NCAM1: variants seen among roughly 807,000 people sequenced by gnomAD.
The protein encoded by NCAM1 is antigen recognized by monoclonal antibody 5.1H11.
NCAM1 carries 14 observed loss-of-function variants against 109.8 expected under a neutral mutation model. The observed-to-expected ratio is 0.13, with a 90% CI of 0.08 to 0.20. The LOEUF (loss-of-function observed/expected upper bound fraction) is 0.20. NCAM1 is among the 10% of genes least tolerant of loss of function. The pLI is 1.00. For synonymous variants in NCAM1, 418 were observed against 442.9 expected, an observed-to-expected ratio of 0.94 and a Z score of 0.70; for missense variants, 774 against 1,109.9, an observed-to-expected ratio of 0.70 and a Z score of 4.30.
chr11:113,004,737 T>C (rs1281534071), intron 1 of NCAM1, among the ~76,000 whole-genome samples: 1 of 152,086 alleles, frequency 6.6e-6, no homozygotes, highest in Non-Finnish European at 1.5e-5. Context: ...CTCTTTGCCT[T>C]TATTTTGTTA....
At chr11:113,055,311 G>T (rs1485903348) in intron 1 of NCAM1, among the ~76,000 whole-genome samples, 2 of 152,170 alleles carry the variant, frequency 1.3e-5, no homozygotes, top group Admixed American at 1.3e-4. Context: ...AATGATTTAA[G>T]AAGATTCTAG....
intron 1 of NCAM1, among the ~76,000 whole-genome samples, chr11:113,102,684 A>T (rs75092027): frequency 0.011 from 1,651 of 152,318 alleles, 24 homozygotes; most frequent in Non-Finnish European, 0.016. Context: ...TTAAAAAGGA[A>T]CTGAAGAGTT....
chr11:113,069,246 C>G (rs1555084800), intron 1 of NCAM1, among the ~76,000 whole-genome samples: 1 of 152,148 alleles, frequency 6.6e-6, no homozygotes, highest in African/African-American at 2.4e-5. Flanking sequence ...AGAAAAGTCT[C>G]CAAGGTAGAG....
chr11:113,213,263 C>A (rs45439094), intron 7 of NCAM1, among the ~76,000 whole-genome samples: 1 of 152,146 alleles, frequency 6.6e-6, no homozygotes, highest in Non-Finnish European at 1.5e-5. Flanking sequence ...CCTAGCCTGA[C>A]CTTTTCCTAT....
intron 7 of NCAM1, among the ~76,000 whole-genome samples, chr11:113,208,819 G>T (rs1429432656): frequency 6.6e-6 from 1 of 152,138 alleles, no homozygotes. Context: ...TGTCATACAC[G>T]GCGTTATCCC....
At chr11:113,119,940 T>C (rs1307045932) in intron 1 of NCAM1, among the ~76,000 whole-genome samples, 1 of 152,228 alleles carries the variant, frequency 6.6e-6, no homozygotes, top group Non-Finnish European at 1.5e-5. Flanking sequence ...AAAATACTTA[T>C]TTGGAACACA....
intron 1 of NCAM1, among the ~76,000 whole-genome samples, chr11:113,163,509 G>A (rs1351394126): frequency 1.3e-5 from 2 of 152,124 alleles, no homozygotes; most frequent in Non-Finnish European, 2.9e-5. Context: ...TCTTCTCCTG[G>A]GAATTGTCAA....
intron 16 of NCAM1, among the ~76,000 whole-genome samples, chr11:113,258,200 C>T (rs1326837145): frequency 6.6e-6 from 1 of 152,226 alleles, no homozygotes; most frequent in East Asian, 1.9e-4. Flanking sequence ...TCCCAGGGCA[C>T]CTGCCTTGTG....
At chr11:113,053,140 G>A (rs1206941867) in intron 1 of NCAM1, among the ~76,000 whole-genome samples, 1 of 152,162 alleles carries the variant, frequency 6.6e-6, no homozygotes. Context: ...TCTCACTTAT[G>A]AGTGAGAACA....
chr11:113,271,884 G>A lies in NCAM1; in HGVS notation c.2456+8G>A. ...GCCACTGACGGAGCCCGAGTACGTG[G>A]GCTGGGAGGGGCTGGCACCTGCTCC... On this transcript the variant is annotated splice_region_variant and intron_variant, in intron 19 of 19. Transcript: ENST00000316851. The A allele has an allele frequency of 1.3e-6, 2 of 1,549,816 alleles. No homozygotes were observed. The highest frequency in any genetic ancestry group is 1.7e-6 in the Non-Finnish European group (2 of 1,146,074).
At chr11:113,040,133 T>C (rs1010775920) in intron 1 of NCAM1, among the ~76,000 whole-genome samples, 7 of 151,484 alleles carry the variant, frequency 4.6e-5, no homozygotes, top group Non-Finnish European at 7.4e-5. Context: ...CAGGTGAGAC[T>C]CCATCTCTAA....
At chr11:113,249,360 A>T (rs1194539853) in intron 15 of NCAM1, among the ~76,000 whole-genome samples, 1 of 152,112 alleles carries the variant, frequency 6.6e-6, no homozygotes, top group African/African-American at 2.4e-5. Context: ...GGAGGTTCCT[A>T]GGGTAGAGAG....
At chr11:113,160,061 G>A (rs1185764124) in intron 1 of NCAM1, among the ~76,000 whole-genome samples, 2 of 152,006 alleles carry the variant, frequency 1.3e-5, no homozygotes, top group African/African-American at 2.4e-5. Context: ...ACGTGTACCT[G>A]CTAATACCAT....
At chr11:113,221,074 A>T (rs1555115198) in intron 8 of NCAM1, among the ~76,000 whole-genome samples, 2 of 152,206 alleles carry the variant, frequency 1.3e-5, no homozygotes, top group African/African-American at 4.8e-5. Context: ...AACCTTTTGA[A>T]TTATACATTT....
intron 8 of NCAM1, among the ~76,000 whole-genome samples, chr11:113,216,386 T>G (rs1365851230): frequency 1.3e-5 from 2 of 151,918 alleles, no homozygotes; most frequent in Admixed American, 6.6e-5. Context: ...TCTCCTGACC[T>G]CGTGATCCGC....
chr11:113,125,076 T>C (rs1391116318), intron 1 of NCAM1, among the ~76,000 whole-genome samples: 2 of 152,218 alleles, frequency 1.3e-5, no homozygotes, highest in African/African-American at 2.4e-5. Flanking sequence ...AGACAACTTA[T>C]AAAATCGTAA....
intron 7 of NCAM1, among the ~76,000 whole-genome samples, chr11:113,214,114 C>T (rs1555114005): frequency 6.6e-6 from 1 of 152,244 alleles, no homozygotes; most frequent in African/African-American, 2.4e-5. Flanking sequence ...GATCTTCCGC[C>T]ATGTCCTGCC....
At chr11:113,145,589 C>T (rs899720599) in intron 1 of NCAM1, among the ~76,000 whole-genome samples, 14 of 152,200 alleles carry the variant, frequency 9.2e-5, no homozygotes, top group African/African-American at 2.7e-4. Flanking sequence ...TCTTTTTAAA[C>T]ACCTGTCTAT....
At chr11:113,272,538 C>T (rs1466635319) in intron 19 of NCAM1, among the ~76,000 whole-genome samples, 5 of 152,090 alleles carry the variant, frequency 3.3e-5, no homozygotes, top group Non-Finnish European at 5.9e-5. Context: ...TCCTCTGGGA[C>T]CTGGGAAGCC....
Sources: allele counts gnomAD v4.1 joint callset (sites outside exome capture counted in the v4.1 genomes callset), GRCh38; gene constraint gnomAD v4.1.1; transcripts MANE v1.5; gene names NCBI Gene and HGNC (gene_info 2026-07-23, HGNC 2026-07-21).